Variants in CDK14 observed in about 807,000 individuals in gnomAD.
CDK14 encodes cyclin dependent kinase 14.
A neutral mutation model predicts 60.7 loss-of-function variants in CDK14; 34 were observed. That is an observed-to-expected ratio of 0.56 (90% CI 0.43 to 0.75). The LOEUF (loss-of-function observed/expected upper bound fraction) is 0.75, where lower values mean the gene tolerates loss of function less well. Ranked by LOEUF, CDK14 falls within the 30% of genes least tolerant of loss-of-function variation. The pLI is 0.00. For missense variants in CDK14, 482 were observed against 564.1 expected, an observed-to-expected ratio of 0.85 and a Z score of 1.47; for synonymous variants, 197 against 203.7, an observed-to-expected ratio of 0.97 and a Z score of 0.28.
chr7:90,608,649 T>A lies in CDK14; in HGVS notation c.123+4400T>A, dbSNP rs921522740. 5 of 479,708 alleles carry A rather than the reference T, an allele frequency of 1.0e-5. No individual in the cohort carries two copies. The African/African-American group carries it at 1.0e-4, about 10-fold the overall frequency. The allele number at this position is 479,708 out of a possible 1,614,324, so 29.7% of individuals were successfully genotyped here. A position where few individuals can be genotyped will look rare whatever the true frequency, so the allele number is the denominator to read the frequency against. ...AAGAATTTCATATGTTTATGGCATATAATCCAGATAATTAAGCACTTAGTT... is the reference window on the plus strand; with the variant it reads ...AAGAATTTCATATGTTTATGGCATAAAATCCAGATAATTAAGCACTTAGTT... On this transcript the variant is annotated intron_variant, in intron 2 of 14. Coordinates refer to ENST00000380050, the MANE Select transcript of CDK14 (RefSeq NM_001287135.2).
chr7:90,846,520 T>C (rs932366229), intron 5 of CDK14, among the ~76,000 whole-genome samples: 1 of 152,212 alleles, frequency 6.6e-6, no homozygotes, highest in African/African-American at 2.4e-5. Context: ...GTAGCTGATC[T>C]GCACATTTCC....
chr7:90,922,531 A>G (rs1012316087), intron 8 of CDK14, among the ~76,000 whole-genome samples: 1 of 152,136 alleles, frequency 6.6e-6, no homozygotes, highest in Non-Finnish European at 1.5e-5. Flanking sequence ...TGTTAGGTAT[A>G]ATTTTTATTT....
intron 6 of CDK14, among the ~76,000 whole-genome samples, chr7:90,874,774 C>T (rs528664164): frequency 1.1e-4 from 17 of 150,318 alleles, no homozygotes; most frequent in Admixed American, 4.7e-4. Flanking sequence ...ATGATCCATC[C>T]GCCTCGGCCT....
At chr7:90,788,215 T>G (rs1330425165) in intron 4 of CDK14, among the ~76,000 whole-genome samples, 1 of 152,116 alleles carries the variant, frequency 6.6e-6, no homozygotes, top group East Asian at 1.9e-4. Flanking sequence ...TTCCAAGCAG[T>G]TCCTGGAATC....
intron 11 of CDK14, among the ~76,000 whole-genome samples, chr7:91,056,259 C>T (rs1562885344): frequency 1.3e-5 from 2 of 152,234 alleles, no homozygotes; most frequent in South Asian, 4.2e-4. Context: ...GGGGATTCCA[C>T]ACCACTATGA....
chr7:90,957,602 A>G (rs1209774428), intron 9 of CDK14, among the ~76,000 whole-genome samples: 8 of 152,132 alleles, frequency 5.3e-5, no homozygotes, highest in Non-Finnish European at 1.2e-4. Flanking sequence ...CCCGTTCACA[A>G]TTGCTTCAAA....
chr7:90,908,802 A>G (rs1004621512), intron 7 of CDK14, among the ~76,000 whole-genome samples: 30 of 152,178 alleles, frequency 2.0e-4, no homozygotes, highest in African/African-American at 7.0e-4. Context: ...TGTTGATCAT[A>G]CGTATCTAAA....
chr7:90,654,565 G>C (rs762896031), intron 2 of CDK14, among the ~76,000 whole-genome samples: 1 of 152,206 alleles, frequency 6.6e-6, no homozygotes, highest in Non-Finnish European at 1.5e-5. Flanking sequence ...TTCACCGTAA[G>C]AACTCTCCAT....
chr7:90,928,384 C>T (rs1355262912), intron 8 of CDK14, among the ~76,000 whole-genome samples: 2 of 152,134 alleles, frequency 1.3e-5, no homozygotes, highest in African/African-American at 4.8e-5. Context: ...ATGATGGTGA[C>T]GTACAGATGG....
chr7:90,605,068 A>G (rs1215518156), intron 2 of CDK14, among the ~76,000 whole-genome samples: 3 of 152,196 alleles, frequency 2.0e-5, no homozygotes, highest in Non-Finnish European at 4.4e-5. Context: ...AGCATAAATC[A>G]GTTTGGTTTG....
intron 10 of CDK14, among the ~76,000 whole-genome samples, chr7:91,017,261 C>T (rs2115852768): frequency 6.6e-6 from 1 of 152,232 alleles, no homozygotes; most frequent in South Asian, 2.1e-4. Context: ...CAAACTAGGT[C>T]TAAGTTCACA....
At chr7:90,628,195 A>T (rs10259720) in intron 2 of CDK14, among the ~76,000 whole-genome samples, 1 of 152,084 alleles carries the variant, frequency 6.6e-6, no homozygotes, top group African/African-American at 2.4e-5. Context: ...GGACTCAAGT[A>T]ATCTACCTGC....
chr7:90,834,135 A>G (rs1340634537), intron 5 of CDK14, among the ~76,000 whole-genome samples: 3 of 152,186 alleles, frequency 2.0e-5, no homozygotes, highest in Non-Finnish European at 4.4e-5. Flanking sequence ...TATTGTAAGG[A>G]CATTTATTAA....
intron 14 of CDK14, among the ~76,000 whole-genome samples, chr7:91,178,726 A>G (rs1453987066): frequency 1.3e-5 from 2 of 151,700 alleles, no homozygotes; most frequent in Admixed American, 1.3e-4. Flanking sequence ...ATCACTGGCC[A>G]TCAGAGAAAT....
In CDK14 at chr7:91,079,448, C is replaced by G; in HGVS notation, c.1122C>G (p.Tyr374Ter). Residue 374 changes from tyrosine (Y) to a stop codon, truncating the protein, a stop_gained, in exon 12 of 15, where the codon TAC (tyrosine) becomes TAG (stop). Transcript: ENST00000380050. LOFTEE classifies it high-confidence loss of function. ...PHFKPERFTL[Y>*]SSKNLRQAWN... Reference sequence around the variant, plus strand: ...TTATTTCAGAACGCTTTACCCTGTACAGCTCTAAAAACCTTAGACAAGCAT... The same window carrying G: ...TTATTTCAGAACGCTTTACCCTGTAGAGCTCTAAAAACCTTAGACAAGCAT... The G allele has an allele frequency of 6.3e-7, 1 of 1,599,778 alleles. No homozygotes were observed. The highest frequency in any genetic ancestry group is 2.2e-5 in the East Asian group (1 of 44,718).
At chr7:91,063,956 C>T (rs1797889328) in intron 11 of CDK14, among the ~76,000 whole-genome samples, 1 of 152,032 alleles carries the variant, frequency 6.6e-6, no homozygotes, top group Admixed American at 6.5e-5. Context: ...TCTTATTGAA[C>T]ATTCCTAGTA....
At chr7:90,752,729 T>C (rs1224364347) in intron 4 of CDK14, among the ~76,000 whole-genome samples, 1 of 151,994 alleles carries the variant, frequency 6.6e-6, no homozygotes, top group Non-Finnish European at 1.5e-5. Context: ...AGTTGGTTCT[T>C]TGAAAGGATA....
chr7:90,917,822 C>A, intron 8 of CDK14, 98 bp downstream of exon 8: 2 of 1,183,330 alleles, frequency 1.7e-6, no homozygotes, highest in South Asian at 1.8e-5. Context: ...CTTCTATCAT[C>A]ATAGATCCTG....
In CDK14 at chr7:90,867,216, T is replaced by C. The variant is rs551226441; in HGVS notation, c.639+3947T>C. ...ATGGTCTAAAATATTATTATAGCTGTCTTTTTTCCCTATACAGGTTTAAGA... is the reference window on the plus strand; with the variant it reads ...ATGGTCTAAAATATTATTATAGCTGCCTTTTTTCCCTATACAGGTTTAAGA... On this transcript the variant is annotated intron_variant, in intron 6 of 14. Coordinates refer to ENST00000380050, the MANE Select transcript of CDK14 (RefSeq NM_001287135.2). Among the ~76,000 whole-genome samples the C allele has an allele frequency of 2.0e-4, 31 of 152,314 alleles. 1 individual carries two copies. The highest frequency in any genetic ancestry group is 1.5e-3 in the Admixed American group (23 of 15,290).
Sources: gnomAD v4.1 joint callset for allele counts (sites outside exome capture counted in the v4.1 genomes callset) on GRCh38, gnomAD v4.1.1 for gene constraint, MANE v1.5 for transcripts, NCBI Gene and HGNC (gene_info 2026-07-23, HGNC 2026-07-21) for gene names.